Variants in DIAPH2 observed in about 807,000 individuals in gnomAD.
DIAPH2 encodes protein diaphanous homolog 2.
In DIAPH2, 35 loss-of-function variants were observed where a neutral mutation model predicts 92.7. The observed-to-expected ratio is 0.38, with a 90% CI of 0.29 to 0.50. The LOEUF (loss-of-function observed/expected upper bound fraction) is 0.50. DIAPH2 is among the 20% of genes least tolerant of loss of function. The pLI is 0.94. For synonymous variants in DIAPH2, 301 were observed against 280.4 expected (o/e 1.07, Z -0.73); for missense variants, 701 against 819.5 (o/e 0.86, Z 1.77).
chrX:97,508,887 A>T (rs1371939063), intron 26 of DIAPH2, among the ~76,000 whole-genome samples: 3 of 109,882 alleles, frequency 2.7e-5, no homozygotes, highest in Non-Finnish European at 5.7e-5. Flanking sequence ...CTTACGTAGT[A>T]TAGGGGGAAA....
intron 26 of DIAPH2, among the ~76,000 whole-genome samples, chrX:97,585,948 G>C (rs2071477385): frequency 9.0e-6 from 1 of 111,711 alleles, no homozygotes; most frequent in Admixed American, 9.5e-5. Flanking sequence ...TACTGTAATG[G>C]TTCTTTCTAT....
chrX:97,249,872 G>A (rs906698247), intron 23 of DIAPH2, among the ~76,000 whole-genome samples: 3 of 111,164 alleles, frequency 2.7e-5, no homozygotes, highest in Non-Finnish European at 5.7e-5. Context: ...AGGCTGAGGC[G>A]GGCGGATCAC....
intron 26 of DIAPH2, among the ~76,000 whole-genome samples, chrX:97,574,459 A>G (rs2071388910): frequency 9.0e-6 from 1 of 111,490 alleles, no homozygotes; most frequent in African/African-American, 3.3e-5. Context: ...CCAAAAAAAA[A>G]AAGATTTAAA....
At chrX:97,503,592 A>C (rs1430463808) in intron 26 of DIAPH2, among the ~76,000 whole-genome samples, 1 of 112,054 alleles carries the variant, frequency 8.9e-6, no homozygotes, top group African/African-American at 3.2e-5. Context: ...GATAACCTCA[A>C]ACCTTTTTGT....
chrX:97,029,897 T>C (rs1370642906), intron 17 of DIAPH2, among the ~76,000 whole-genome samples: 2 of 111,547 alleles, frequency 1.8e-5, no homozygotes, highest in African/African-American at 6.5e-5. Context: ...TTTTTCTTCT[T>C]TTGATACATA....
At chrX:96,740,871 G>A (rs1001738302) in intron 3 of DIAPH2, among the ~76,000 whole-genome samples, 4 of 110,771 alleles carry the variant, frequency 3.6e-5, no homozygotes, top group Admixed American at 9.7e-5. Context: ...TCCCTACTCC[G>A]TTCCCTCAAC....
chrX:96,820,527 A>C (rs1262947550), intron 4 of DIAPH2, among the ~76,000 whole-genome samples: 3 of 112,537 alleles, frequency 2.7e-5, no homozygotes, highest in Non-Finnish European at 5.6e-5. Context: ...TTTGGAGAGC[A>C]GATTTATGGT....
chrX:96,843,179 G>A (rs972535550), intron 4 of DIAPH2, among the ~76,000 whole-genome samples: 13 of 111,045 alleles, frequency 1.2e-4, no homozygotes, highest in African/African-American at 4.3e-4. Context: ...TTGTTTAAAA[G>A]TGTGTAGCAC....
chrX:96,972,794 T>C (rs1364925533), intron 17 of DIAPH2, among the ~76,000 whole-genome samples: 9 of 111,182 alleles, frequency 8.1e-5, no homozygotes, highest in African/African-American at 2.6e-4. Context: ...AAGACGGCAT[T>C]CTAGCTAGAG....
At chrX:97,071,851 T>C (rs1021492914) in intron 17 of DIAPH2, among the ~76,000 whole-genome samples, 1 of 111,686 alleles carries the variant, frequency 9.0e-6, no homozygotes, top group Non-Finnish European at 1.9e-5. Context: ...TAAAATAATA[T>C]CATTATTGCC....
At chrX:97,309,132 G>A (rs773655369) in intron 23 of DIAPH2, among the ~76,000 whole-genome samples, 23 of 108,302 alleles carry the variant, frequency 2.1e-4, no homozygotes, top group African/African-American at 6.6e-4. Context: ...ACGGAGTCTC[G>A]CTGTGTCATC....
At chrX:96,849,351 A>T (rs1258839635) in intron 4 of DIAPH2, among the ~76,000 whole-genome samples, 2 of 111,210 alleles carry the variant, frequency 1.8e-5, no homozygotes, top group Non-Finnish European at 3.8e-5. Context: ...TTTTTAGTAG[A>T]GATGGGGTTT....
intron 24 of DIAPH2, among the ~76,000 whole-genome samples, chrX:97,367,702 CT>C (rs200267248): frequency 2.1e-3 from 202 of 97,056 alleles, no homozygotes; most frequent in South Asian, 4.6e-3. Flanking sequence ...GGTAAAATAT[CT>C]TTTTTTTTTT....
chrX:97,412,651 C>T (rs2069889322), intron 25 of DIAPH2, among the ~76,000 whole-genome samples: 1 of 111,282 alleles, frequency 9.0e-6, no homozygotes. Context: ...ATTGATAGAC[C>T]ACTAGCAAGA....
intron 17 of DIAPH2, among the ~76,000 whole-genome samples, chrX:97,059,892 G>C (rs921331819): frequency 6.3e-5 from 7 of 111,533 alleles, no homozygotes; most frequent in African/African-American, 2.3e-4. Flanking sequence ...ATGTTCAAGG[G>C]TCAGCTGTAT....
chrX:97,564,611 A>T (rs963887508), intron 26 of DIAPH2: 1 of 111,874 alleles, frequency 8.9e-6, no homozygotes, highest in African/African-American at 3.3e-5. Flanking sequence ...TGACTTAATC[A>T]CTTCTCCAAA....
At chrX:96,916,128 A>C (rs981568405) in intron 7 of DIAPH2, among the ~76,000 whole-genome samples, 1 of 111,728 alleles carries the variant, frequency 9.0e-6, no homozygotes, top group African/African-American at 3.2e-5. Context: ...TTAGAAAATC[A>C]TATCAGTATG....
intron 4 of DIAPH2, among the ~76,000 whole-genome samples, chrX:96,858,886 C>T (rs1404524619): frequency 9.0e-6 from 1 of 111,650 alleles, no homozygotes; most frequent in African/African-American, 3.3e-5. Flanking sequence ...CTTCTTTTAA[C>T]TGATGTGGGA....
chrX:96,971,441 T>G (rs868508457), intron 17 of DIAPH2, among the ~76,000 whole-genome samples: 1 of 111,207 alleles, frequency 9.0e-6, no homozygotes. Context: ...TGTGTGTGTG[T>G]GTGGGTGTGG....
Sources: allele counts gnomAD v4.1 joint callset (sites outside exome capture counted in the v4.1 genomes callset), GRCh38; gene constraint gnomAD v4.1.1; transcripts MANE v1.5; gene names NCBI Gene and HGNC (gene_info 2026-07-23, HGNC 2026-07-21).